CDK15: variants seen among roughly 807,000 people sequenced by gnomAD.
The protein encoded by CDK15 is cyclin dependent kinase 15, also known as cyclin-dependent kinase 15.
In CDK15, 62 loss-of-function variants were observed where a neutral mutation model predicts 60.3. The ratio of observed to expected loss-of-function variants is 1.03; its 90% confidence interval spans 0.84 to 1.27. The LOEUF (loss-of-function observed/expected upper bound fraction) is 1.27, where lower values mean the gene tolerates loss of function less well. CDK15 is among the 50% of genes most tolerant of loss of function. The pLI, the probability that CDK15 is intolerant of heterozygous loss-of-function variation, is 0.00. For missense variants in CDK15, 541 were observed against 527.8 expected (o/e 1.03, Z -0.25); for synonymous variants, 194 against 195.7 (o/e 0.99, Z 0.07).
intron 10 of CDK15, among the ~76,000 whole-genome samples, chr2:201,855,864 C>T (rs999609363): frequency 2.2e-5 from 3 of 137,022 alleles, no homozygotes; most frequent in African/African-American, 5.6e-5. Context: ...TTGCTCTTAT[C>T]GCCCAGGCTG....
chr2:201,856,471 G>A (rs1443604434), intron 10 of CDK15, among the ~76,000 whole-genome samples: 1 of 152,164 alleles, frequency 6.6e-6, no homozygotes, highest in Non-Finnish European at 1.5e-5. Flanking sequence ...TTTAACACGT[G>A]AGAAAAATGC....
chr2:201,847,284 TC>T (rs1166617324), intron 8 of CDK15, 96 bp from the exon 9 acceptor site: 19 of 1,201,206 alleles, frequency 1.6e-5, no homozygotes, highest in Non-Finnish European at 2.2e-5. Context: ...TATTTAACTC[TC>T]CCTAAAATAT....
At position 201,836,209 on chromosome 2, in the gene CDK15, AT is replaced by A. The variant is rs1331431215; in HGVS notation, c.851+458del. ...TATTTTTTTATATATATATATATGT[AT>A]TTTTTTTTTTTGAGATGGAGTCTCA... On this transcript the variant is annotated intron_variant, in intron 8 of 13. Coordinates refer to ENST00000652192, the MANE Select transcript of CDK15 (RefSeq NM_001366386.2). Among the ~76,000 whole-genome samples, 309 of 123,430 alleles carry A rather than the reference AT, an allele frequency of 2.5e-3. 4 individuals carry two copies. Among genetic ancestry groups the A allele is most frequent in the African/African-American group, 8.7e-3 (280 of 32,018 alleles). 81.0% of individuals were successfully genotyped at this position (123,430 alleles called of 152,430 possible). A position where few individuals can be genotyped will look rare whatever the true frequency, so the allele number is the denominator to read the frequency against.
At chr2:201,886,876 T>C (rs1559152411) in intron 12 of CDK15, among the ~76,000 whole-genome samples, 1 of 152,178 alleles carries the variant, frequency 6.6e-6, no homozygotes, top group Non-Finnish European at 1.5e-5. Context: ...GTTGATGAGA[T>C]TGTGGTAAAA....
chr2:201,865,821 C>T (rs1698601766), intron 10 of CDK15, among the ~76,000 whole-genome samples: 1 of 133,294 alleles, frequency 7.5e-6, no homozygotes, highest in African/African-American at 2.9e-5. Flanking sequence ...ACCTGGGAGG[C>T]AGAAGTTGAA....
intron 1 of CDK15, 93 bp from the exon 2 acceptor site, chr2:201,807,401 T>C (rs1489460253): frequency 2.4e-5 from 32 of 1,330,920 alleles, no homozygotes; most frequent in Non-Finnish European, 3.3e-5. Flanking sequence ...ATTTGAAGAG[T>C]GAAAATGAGG....
At chr2:201,858,709 T>C (rs1698250970) in intron 10 of CDK15, among the ~76,000 whole-genome samples, 1 of 151,826 alleles carries the variant, frequency 6.6e-6, no homozygotes, top group Non-Finnish European at 1.5e-5. Context: ...AAAAGTGAAA[T>C]ATTAAAAACC....
chr2:201,850,325 A>G (rs1697853157), intron 9 of CDK15, among the ~76,000 whole-genome samples: 1 of 152,170 alleles, frequency 6.6e-6, no homozygotes, highest in Non-Finnish European at 1.5e-5. Flanking sequence ...GAATGACCAC[A>G]CAATTTAAAA....
At chr2:201,836,057 A>ATAT (rs1559126120) in intron 8 of CDK15, among the ~76,000 whole-genome samples, 1 of 6,036 alleles carries the variant, frequency 1.7e-4, no homozygotes, top group Non-Finnish European at 4.5e-4. Flanking sequence ...TTATATATAT[A>ATAT]TTATATATAT....
chr2:201,865,527 T>C (rs1003024671), intron 10 of CDK15, among the ~76,000 whole-genome samples: 1 of 152,128 alleles, frequency 6.6e-6, no homozygotes, highest in Non-Finnish European at 1.5e-5. Flanking sequence ...GGTTGAACAA[T>C]GCCAAGGAGC....
At chr2:201,825,756 T>G (rs1299105890) in intron 6 of CDK15, among the ~76,000 whole-genome samples, 2 of 152,060 alleles carry the variant, frequency 1.3e-5, no homozygotes, top group African/African-American at 4.8e-5. Context: ...AAGAGACAGG[T>G]AGGCAAGAGA....
rs1483084896 is a variant in CDK15 at position 201,894,845 on chromosome 2, C to T, written c.*1578C>T. 6.6e-6 allele frequency: 1 copy of T among 152,146 alleles called. No individual in the cohort carries two copies. 9.4% of individuals were successfully genotyped at this position (152,146 alleles called of 1,614,324 possible). ...GTATTGGATCATGATTCAAAAGACA[C>T]CTTGCTAGAAGCCAATGAACAGCAG... On this transcript the variant is annotated 3_prime_UTR_variant, in exon 14 of 14. Transcript: ENST00000652192.
At position 201,835,741 on chromosome 2, in the gene CDK15, T is replaced by G. The variant is rs747486064; in HGVS notation, c.829T>G (p.Tyr277Asp). The G allele has an allele frequency of 6.2e-7, 1 of 1,609,360 alleles. No individual in the cohort carries two copies. ...PPDALLGATE[Y>D]SSELDIWGAG... is the part of the protein sequence containing the mutation. ...TGATGCTTTGCTGGGAGCCACTGAA[T>G]ATTCCTCTGAGCTGGACATATGGTA... Residue 277 changes from tyrosine (Y) to aspartate (D), a missense_variant, in exon 8 of 14, where the codon TAT becomes GAT. Tyr to Asp is a radical substitution (Grantham distance 160). Coordinates refer to ENST00000652192, the MANE Select transcript of CDK15 (RefSeq NM_001366386.2).
intron 4 of CDK15, among the ~76,000 whole-genome samples, chr2:201,816,911 C>T (rs982512349): frequency 6.6e-5 from 10 of 152,288 alleles, no homozygotes; most frequent in African/African-American, 2.2e-4. Context: ...CACTCTTTTC[C>T]TAAAACTTTC....
chr2:201,848,562 C>T (rs1288954832), intron 9 of CDK15, among the ~76,000 whole-genome samples: 2 of 152,148 alleles, frequency 1.3e-5, no homozygotes, highest in Non-Finnish European at 2.9e-5. Context: ...CCTCCCCACA[C>T]TCCCCTAGCC....
intron 4 of CDK15, among the ~76,000 whole-genome samples, chr2:201,814,284 C>T (rs1474932321): frequency 1.3e-5 from 2 of 152,180 alleles, no homozygotes; most frequent in Non-Finnish European, 2.9e-5. Flanking sequence ...ATTGCCTCTC[C>T]ATCACAGGTG....
intron 9 of CDK15, among the ~76,000 whole-genome samples, chr2:201,847,746 C>T (rs544354297): frequency 2.0e-5 from 3 of 152,296 alleles, no homozygotes; most frequent in Non-Finnish European, 4.4e-5. Flanking sequence ...CTTAACCTCC[C>T]AGGGCAATTT....
intron 8 of CDK15, among the ~76,000 whole-genome samples, chr2:201,838,457 A>G (rs1389232880): frequency 6.6e-6 from 1 of 152,092 alleles, no homozygotes; most frequent in Non-Finnish European, 1.5e-5. Context: ...CCCAGGCTGG[A>G]GTACAGAGGT....
chr2:201,847,585 T>C, intron 9 of CDK15, 111 bp downstream of exon 9: 1 of 845,150 alleles, frequency 1.2e-6, no homozygotes. Flanking sequence ...TATTAAGCCC[T>C]ATATTAAGAT....
Sources: allele counts gnomAD v4.1 joint callset (sites outside exome capture counted in the v4.1 genomes callset), GRCh38; gene constraint gnomAD v4.1.1; transcripts MANE v1.5; gene names NCBI Gene and HGNC (gene_info 2026-07-23, HGNC 2026-07-21).